The following ADGRL2 variants were observed in gnomAD, a reference collection of about 807,000 sequenced individuals.
ADGRL2 encodes calcium-independent alpha-latrotoxin receptor 2.
ADGRL2 carries 44 observed loss-of-function variants against 157.4 expected under a neutral mutation model. That is an observed-to-expected ratio of 0.28 (90% confidence interval 0.22 to 0.36). The LOEUF (loss-of-function observed/expected upper bound fraction) is 0.36, where lower values mean the gene tolerates loss of function less well. Among genes scored for constraint, ADGRL2 ranks in the 10% least tolerant of loss-of-function variants. The pLI is 1.00. For missense variants in ADGRL2, 1,510 were observed against 1,768.9 expected (o/e 0.85, Z 2.63); for synonymous variants, 585 against 624.7 (o/e 0.94, Z 0.95).
chr1:81,836,055 CA>C (rs1353855222), intron 1 of ADGRL2, among the ~76,000 whole-genome samples: 1 of 151,946 alleles, frequency 6.6e-6, no homozygotes, highest in East Asian at 1.9e-4. Context: ...CAAAAGTTAT[CA>C]GGAAAATTTT....
intron 2 of ADGRL2, among the ~76,000 whole-genome samples, chr1:81,766,005 A>G (rs539108854): frequency 1.3e-5 from 2 of 152,278 alleles, no homozygotes; most frequent in Middle Eastern, 6.8e-3. Context: ...TTTTCCTTCA[A>G]TTAAAATTGC....
chr1:81,946,150 G>T (rs1328467537), intron 6 of ADGRL2, among the ~76,000 whole-genome samples: 1 of 152,050 alleles, frequency 6.6e-6, no homozygotes, highest in Admixed American at 6.6e-5. Context: ...ATCTGTGCTG[G>T]ATTTGCTATC....
chr1:81,744,042 G>T (rs2085162630), intron 1 of ADGRL2, among the ~76,000 whole-genome samples: 1 of 152,072 alleles, frequency 6.6e-6, no homozygotes, highest in South Asian at 2.1e-4. Flanking sequence ...GTGGGAAGTG[G>T]GAAGCTAAAG....
At chr1:81,904,376 G>A (rs925419115) in intron 2 of ADGRL2, among the ~76,000 whole-genome samples, 30 of 152,278 alleles carry the variant, frequency 2.0e-4, no homozygotes, top group African/African-American at 5.5e-4. Flanking sequence ...ATTAAATAAA[G>A]TGGTATTTGC....
intron 10 of ADGRL2, among the ~76,000 whole-genome samples, chr1:81,953,976 G>T (rs1310214302): frequency 6.6e-6 from 1 of 152,112 alleles, no homozygotes; most frequent in African/African-American, 2.4e-5. Context: ...GTTAGTATTG[G>T]ACATTGTTGA....
chr1:81,571,355 T>C (rs1353721931), intron 2 of ADGRL2, among the ~76,000 whole-genome samples: 2 of 147,362 alleles, frequency 1.4e-5, no homozygotes, highest in Admixed American at 1.4e-4. Flanking sequence ...TATACATATA[T>C]ATATATAATA....
chr1:81,964,631 A>G (rs187453171), intron 11 of ADGRL2, among the ~76,000 whole-genome samples: 9 of 152,234 alleles, frequency 5.9e-5, no homozygotes, highest in Admixed American at 3.3e-4. Context: ...AGAGTTGCAG[A>G]AGATTAAAAA....
At chr1:81,373,246 T>C (rs2076191267) in intron 1 of ADGRL2, among the ~76,000 whole-genome samples, 2 of 152,218 alleles carry the variant, frequency 1.3e-5, no homozygotes, top group African/African-American at 4.8e-5. Flanking sequence ...TCCTCTAAGA[T>C]GGAGATAATT....
chr1:81,334,965 G>T (rs954550588), intron 1 of ADGRL2, among the ~76,000 whole-genome samples: 6 of 152,100 alleles, frequency 3.9e-5, no homozygotes, highest in Non-Finnish European at 5.9e-5. Flanking sequence ...GCTATGTCAA[G>T]GGCTTCACAT....
At chr1:81,504,874 G>A (rs1260210374) in intron 2 of ADGRL2, among the ~76,000 whole-genome samples, 2 of 152,176 alleles carry the variant, frequency 1.3e-5, no homozygotes, top group Admixed American at 1.3e-4. Context: ...ATGAGGAGAT[G>A]AATAACTCCA....
chr1:81,676,936 G>A (rs922805285), intron 3 of ADGRL2, among the ~76,000 whole-genome samples: 16 of 147,820 alleles, frequency 1.1e-4, no homozygotes, highest in Admixed American at 9.4e-4. Flanking sequence ...TGATCTGCCC[G>A]CAGTGCTGAG....
chr1:81,847,531 TA>T (rs71575361), intron 2 of ADGRL2, among the ~76,000 whole-genome samples: 21,481 of 151,940 alleles, frequency 0.14, 1,674 homozygotes, highest in South Asian at 0.2. Flanking sequence ...TTCAGTTGTA[TA>T]ACTCATTTTA....
intron 1 of ADGRL2, among the ~76,000 whole-genome samples, chr1:81,759,764 C>T (rs1237706969): frequency 1.3e-5 from 2 of 152,066 alleles, no homozygotes; most frequent in African/African-American, 4.8e-5. Context: ...CTACACTTTT[C>T]CTCCTCTATC....
intron 2 of ADGRL2, among the ~76,000 whole-genome samples, chr1:81,461,226 A>C (rs898252093): frequency 2.6e-5 from 4 of 152,098 alleles, no homozygotes; most frequent in Non-Finnish European, 5.9e-5. Context: ...TTTTTAAAGC[A>C]GAACAATCAT....
intron 2 of ADGRL2, among the ~76,000 whole-genome samples, chr1:81,859,277 G>A (rs1030763227): frequency 5.9e-5 from 9 of 151,982 alleles, no homozygotes; most frequent in Non-Finnish European, 1.0e-4. Flanking sequence ...TTTAAATCGT[G>A]TCAATTCAGT....
At chr1:81,582,898 T>C (rs2080945382) in intron 3 of ADGRL2, among the ~76,000 whole-genome samples, 1 of 152,028 alleles carries the variant, frequency 6.6e-6, no homozygotes, top group African/African-American at 2.4e-5. Flanking sequence ...GAAAATACCT[T>C]GGCAACCACA....
At chr1:81,377,081 AG>A (rs1340833104) in intron 1 of ADGRL2, among the ~76,000 whole-genome samples, 1 of 152,172 alleles carries the variant, frequency 6.6e-6, no homozygotes, top group African/African-American at 2.4e-5. Context: ...TATAGTCCTA[AG>A]CTACTCAGGA....
chr1:81,629,028 A>C (rs1476636974), intron 3 of ADGRL2, among the ~76,000 whole-genome samples: 1 of 152,206 alleles, frequency 6.6e-6, no homozygotes, highest in Middle Eastern at 3.2e-3. Context: ...AGTCATCCTT[A>C]TACCTACCAG....
intron 1 of ADGRL2, among the ~76,000 whole-genome samples, chr1:81,412,930 T>C (rs2076972027): frequency 6.6e-6 from 1 of 152,252 alleles, no homozygotes; most frequent in South Asian, 2.1e-4. Context: ...CTTTAATTAC[T>C]ATTCTTTTTT....
Sources: allele counts gnomAD v4.1 joint callset (sites outside exome capture counted in the v4.1 genomes callset), GRCh38; gene constraint gnomAD v4.1.1; transcripts MANE v1.5; gene names NCBI Gene and HGNC (gene_info 2026-07-23, HGNC 2026-07-21).